The following MNAT1 variants were observed in gnomAD, a reference collection of about 807,000 sequenced individuals.
MNAT1 encodes the protein CDK-activating kinase assembly factor MAT1.
MNAT1 carries 43 observed loss-of-function variants against 42.0 expected under a neutral mutation model. That is an observed-to-expected ratio of 1.02 (90% CI 0.80 to 1.32). The LOEUF (loss-of-function observed/expected upper bound fraction) is 1.32, where lower values mean the gene tolerates loss of function less well. MNAT1 is among the 40% of genes most tolerant of loss of function. The pLI, the probability that MNAT1 is intolerant of heterozygous loss-of-function variation, is 0.00. For missense variants in MNAT1, 306 were observed against 350.4 expected (o/e 0.87, Z 1.01); for synonymous variants, 118 against 120.0 (o/e 0.98, Z 0.11).
chr14:60,943,220 C>T (rs1457414506), intron 7 of MNAT1, among the ~76,000 whole-genome samples: 1 of 152,002 alleles, frequency 6.6e-6, no homozygotes, highest in Non-Finnish European at 1.5e-5. Context: ...ATTCAGCTTT[C>T]AGATTTAACT....
intron 7 of MNAT1, among the ~76,000 whole-genome samples, chr14:60,887,162 G>T (rs1046215843): frequency 6.6e-6 from 1 of 151,608 alleles, no homozygotes; most frequent in Non-Finnish European, 1.5e-5. Flanking sequence ...GTATAACATT[G>T]ATTTGCATTT....
At chr14:60,929,170 A>ATATATATATATAT (rs1555336770) in intron 7 of MNAT1, among the ~76,000 whole-genome samples, 1 of 47,460 alleles carries the variant, frequency 2.1e-5, no homozygotes, top group African/African-American at 1.2e-4. Flanking sequence ...AAAAAAAAAA[A>ATATATATATATAT]ATATATATAT....
At chr14:60,908,792 T>G (rs925494369) in intron 7 of MNAT1, among the ~76,000 whole-genome samples, 2 of 152,212 alleles carry the variant, frequency 1.3e-5, no homozygotes, top group Non-Finnish European at 2.9e-5. Flanking sequence ...TACATGAGCA[T>G]GTGTCTTTAT....
intron 1 of MNAT1, among the ~76,000 whole-genome samples, chr14:60,747,730 T>C (rs1327991813): frequency 1.3e-5 from 2 of 152,220 alleles, no homozygotes; most frequent in African/African-American, 2.4e-5. Flanking sequence ...AAAATTTTCT[T>C]TCTTCAATAA....
chr14:60,772,136 T>A (rs914774776), intron 1 of MNAT1, among the ~76,000 whole-genome samples: 2 of 152,226 alleles, frequency 1.3e-5, no homozygotes, highest in African/African-American at 4.8e-5. Flanking sequence ...AATTTAAAAT[T>A]AAGATCAAAA....
chr14:60,734,965 C>T lies in MNAT1; in HGVS notation c.89+14C>T. The T allele has an allele frequency of 6.2e-7, 1 of 1,613,338 alleles. No homozygotes were observed. Among genetic ancestry groups the T allele is most frequent in the Non-Finnish European group, 8.5e-7 (1 of 1,179,316 alleles). Reference sequence around the variant, plus strand: ...CGGACACACTCTGTGAGTTGGGCGGCAGTGGATTCCCTGGGGGAGAGACGC... The same window carrying T: ...CGGACACACTCTGTGAGTTGGGCGGTAGTGGATTCCCTGGGGGAGAGACGC... On this transcript the variant is annotated intron_variant, in intron 1 of 7. Transcript: ENST00000261245. This position sits in a 1 kb window ranked among gnomAD's most constrained non-coding sequence, Gnocchi z 4.3.
intron 6 of MNAT1, among the ~76,000 whole-genome samples, chr14:60,865,496 G>A (rs1373010199): frequency 1.3e-5 from 2 of 152,002 alleles, no homozygotes; most frequent in African/African-American, 4.8e-5. Context: ...TCTTTTAAAG[G>A]AGGCAGGTTT....
intron 7 of MNAT1, among the ~76,000 whole-genome samples, chr14:60,926,346 A>C (rs189219116): frequency 6.6e-6 from 1 of 152,298 alleles, no homozygotes; most frequent in East Asian, 1.9e-4. Context: ...TGTCTATCTG[A>C]AGATAGTATC....
At chr14:60,755,155 T>A (rs2030284348) in intron 1 of MNAT1, among the ~76,000 whole-genome samples, 1 of 152,036 alleles carries the variant, frequency 6.6e-6, no homozygotes, top group Non-Finnish European at 1.5e-5. Flanking sequence ...TGTGCCACCA[T>A]GCCTACCTAA....
At chr14:60,772,307 G>A (rs185765413) in intron 1 of MNAT1, among the ~76,000 whole-genome samples, 12 of 152,238 alleles carry the variant, frequency 7.9e-5, no homozygotes, top group East Asian at 3.9e-4. Flanking sequence ...TGAATTGGCC[G>A]GGTGCGGTGG....
At chr14:60,738,082 A>C (rs1052317124) in intron 1 of MNAT1, among the ~76,000 whole-genome samples, 14 of 1,912 alleles carry the variant, frequency 7.3e-3, no homozygotes, top group South Asian at 0.032. Context: ...CTATCTTACA[A>C]AAAAAAAAAA....
intron 7 of MNAT1, among the ~76,000 whole-genome samples, chr14:60,910,021 C>T (rs1472941012): frequency 1.3e-5 from 2 of 152,140 alleles, no homozygotes; most frequent in Non-Finnish European, 2.9e-5. Flanking sequence ...TTGTAGTTCT[C>T]CTTGAAGAAG....
At chr14:60,857,203 G>T (rs1286471604) in intron 6 of MNAT1, among the ~76,000 whole-genome samples, 1 of 152,242 alleles carries the variant, frequency 6.6e-6, no homozygotes, top group Non-Finnish European at 1.5e-5. Context: ...AGCTCTGACA[G>T]ATGTACGAGG....
chr14:60,939,956 T>A (rs2036104927), intron 7 of MNAT1, among the ~76,000 whole-genome samples: 1 of 152,236 alleles, frequency 6.6e-6, no homozygotes, highest in African/African-American at 2.4e-5. Flanking sequence ...TTAGCTCTTC[T>A]TGTTGAATTG....
intron 6 of MNAT1, among the ~76,000 whole-genome samples, chr14:60,831,685 A>G (rs1472941161): frequency 2.6e-5 from 4 of 152,160 alleles, no homozygotes; most frequent in Non-Finnish European, 4.4e-5. Context: ...TACTTTGGGT[A>G]TATACTCAGT....
intron 7 of MNAT1, among the ~76,000 whole-genome samples, chr14:60,930,713 G>C (rs574358844): frequency 6.6e-6 from 1 of 152,280 alleles, no homozygotes; most frequent in African/African-American, 2.4e-5. Context: ...TCAGAGATTT[G>C]ACAGAACAGG....
At chr14:60,875,046 A>G (rs1032712473) in intron 6 of MNAT1, among the ~76,000 whole-genome samples, 1 of 152,118 alleles carries the variant, frequency 6.6e-6, no homozygotes, top group East Asian at 1.9e-4. Flanking sequence ...TGTGTCATTT[A>G]TGAACTTTGT....
intron 6 of MNAT1, among the ~76,000 whole-genome samples, chr14:60,854,357 T>C (rs1461224661): frequency 6.6e-6 from 1 of 152,196 alleles, no homozygotes; most frequent in Non-Finnish European, 1.5e-5. Flanking sequence ...AGAGGAGTTG[T>C]AATCATTTGG....
chr14:60,776,909 A>G (rs1026370117), intron 1 of MNAT1, among the ~76,000 whole-genome samples: 1 of 149,292 alleles, frequency 6.7e-6, no homozygotes, highest in African/African-American at 2.4e-5. Context: ...GTGCAGTGGC[A>G]TGATCATTGC....
Sources: allele counts gnomAD v4.1 joint callset (sites outside exome capture counted in the v4.1 genomes callset), GRCh38; gene constraint gnomAD v4.1.1; non-coding constraint Gnocchi (gnomAD v3.1); transcripts MANE v1.5; gene names NCBI Gene and HGNC (gene_info 2026-07-23, HGNC 2026-07-21).